Variants in SIVA1 observed in about 807,000 individuals in gnomAD.
SIVA1 encodes the protein apoptosis regulatory protein Siva.
SIVA1 carries 10 observed loss-of-function variants against 19.7 expected under a neutral mutation model. The ratio of observed to expected loss-of-function variants is 0.51; its 90% CI spans 0.31 to 0.86. SIVA1 has a LOEUF of 0.86. Among genes scored for constraint, SIVA1 ranks in the 40% least tolerant of loss-of-function variants. The pLI is 0.04. For missense variants in SIVA1, 241 were observed against 245.2 expected (o/e 0.98, Z 0.11); for synonymous variants, 130 against 106.1 (o/e 1.23, Z -1.39).
Position 104,753,282 on chromosome 14 carries a change from C to T in SIVA1, c.81C>T (p.Arg27=). ...KVRVSQRELS[R]GVCAERYSQE... ...GCGTGAGCCAGAGGGAGTTGAGCCG[C>T]GGCGTGTGCGCCGAGCGCTACTCGC... The change falls in exon 1 of 4, where the codon CGC becomes CGT. Residue 27 remains arginine, a synonymous_variant. Transcript: ENST00000329967. The T allele has an allele frequency of 1.2e-6, 2 of 1,601,174 alleles. No homozygotes were observed. Among genetic ancestry groups the T allele is most frequent in the Non-Finnish European group, 1.7e-6 (2 of 1,175,796 alleles).
In SIVA1 at chr14:104,753,292, G is replaced by C; in HGVS notation, c.91G>C (p.Ala31Pro). ...SQRELSRGVCAERYSQEVFEK... is the reference protein window; with the variant it reads ...SQRELSRGVCPERYSQEVFEK... ...GAGGGAGTTGAGCCGCGGCGTGTGCGCCGAGCGCTACTCGCAGGAGGTCTT... is the reference window on the plus strand; with the variant it reads ...GAGGGAGTTGAGCCGCGGCGTGTGCCCCGAGCGCTACTCGCAGGAGGTCTT... The change falls in exon 1 of 4, where the codon GCC becomes CCC. Residue 31 changes from alanine to proline, a missense_variant. By Grantham distance (27) the Ala-to-Pro change is conservative. Transcript: ENST00000329967. The C allele has an allele frequency of 6.2e-7, 1 of 1,600,724 alleles. No homozygotes were observed. The highest frequency in any genetic ancestry group is 8.5e-7 in the Non-Finnish European group (1 of 1,175,576).
intron 1 of SIVA1, 87 bp downstream of exon 1, chr14:104,753,406 G>C: frequency 1.1e-6 from 1 of 874,960 alleles, no homozygotes. Context: ...GCCTGAGCGG[G>C]GGGCTGGAGG....
chr14:104,756,366 A>G (rs1891889119), intron 2 of SIVA1: 1 of 581,626 alleles, frequency 1.7e-6, no homozygotes. Flanking sequence ...TGGTAAGGGA[A>G]AGAGCACTGA....
At chr14:104,757,255 G>A in intron 3 of SIVA1, 1 of 425,890 alleles carries the variant, frequency 2.3e-6, no homozygotes, top group Non-Finnish European at 4.7e-6. Context: ...CTAAGGTGGG[G>A]AGGGGCGTTC....
chr14:104,757,162 CTCTCAGGCAGGAAGTGGAGT>C, intron 3 of SIVA1: 1 of 340,242 alleles, frequency 2.9e-6, no homozygotes, highest in Non-Finnish European at 5.8e-6. Context: ...GTTGTAGACC[CTCTCAGGCAGGAAGTGGAGT>C]GTTTGTGTAG....
At chr14:104,758,370 G>C (rs1418304913) in intron 3 of SIVA1, 4 of 152,284 alleles carry the variant, frequency 2.6e-5, no homozygotes, top group African/African-American at 9.6e-5. Flanking sequence ...CTGCCTTGTT[G>C]ACTCCACGGC....
At chr14:104,756,510 T>G in intron 2 of SIVA1, 94 bp from the exon 3 acceptor site, 1 of 1,461,578 alleles carries the variant, frequency 6.8e-7, no homozygotes, top group East Asian at 2.3e-5. Context: ...GTCAGAGCCC[T>G]CTGCCCTCAG....
At chr14:104,757,060 G>T (rs1281739137) in intron 3 of SIVA1, 1 of 456,802 alleles carries the variant, frequency 2.2e-6, no homozygotes, top group African/African-American at 2.0e-5. Flanking sequence ...TCCTCCTCTG[G>T]TCTTTGAGCC....
chr14:104,753,288 G>A lies in SIVA1; in HGVS notation c.87G>A (p.Val29=). The change falls in exon 1 of 4, where the codon GTG becomes GTA. Residue 29 remains valine, a synonymous_variant. Coordinates refer to ENST00000329967, the MANE Select transcript of SIVA1 (RefSeq NM_006427.4). ...GCCAGAGGGAGTTGAGCCGCGGCGTGTGCGCCGAGCGCTACTCGCAGGAGG... is the reference window on the plus strand; with the variant it reads ...GCCAGAGGGAGTTGAGCCGCGGCGTATGCGCCGAGCGCTACTCGCAGGAGG... ...RVSQRELSRG[V]CAERYSQEVF... 6.2e-7 allele frequency: 1 copy of A among 1,601,372 alleles called. No homozygotes were observed. Among genetic ancestry groups the A allele is most frequent in the East Asian group, 2.3e-5 (1 of 43,568 alleles).
intron 1 of SIVA1, among the ~76,000 whole-genome samples, chr14:104,754,967 C>A (rs1891836676): frequency 6.6e-6 from 1 of 152,216 alleles, no homozygotes; most frequent in Non-Finnish European, 1.5e-5. Context: ...CTGGGTCTGG[C>A]CCTGGGCATC....
In SIVA1 at chr14:104,759,512, C is replaced by T. The variant is rs749722984; in HGVS notation, c.*27C>T. 2.3e-5 allele frequency: 37 copies of T among 1,600,978 alleles called. No individual in the cohort carries two copies. Among genetic ancestry groups the T allele is most frequent in the Middle Eastern group, 1.6e-4 (1 of 6,074 alleles). The stretch of plus-strand genomic sequence containing the variant: ...GCTGGCTCAAGCCGGCTGCCTTCAC[C>T]GGGAGCCACGCCGTGCATGGCAGCC... On this transcript the variant is annotated 3_prime_UTR_variant, in exon 4 of 4. Transcript: ENST00000329967. This position sits in a 1 kb window ranked among gnomAD's most constrained non-coding sequence, Gnocchi z 4.2.
In SIVA1 at chr14:104,759,206, T is replaced by C. The variant is rs997386531; in HGVS notation, c.471-222T>C. The C allele has an allele frequency of 4.5e-6, 2 of 448,380 alleles. No homozygotes were observed. The highest frequency in any genetic ancestry group is 4.0e-5 in the African/African-American group (2 of 49,758). 27.8% of individuals were successfully genotyped at this position (448,380 alleles called of 1,614,324 possible). On this transcript the variant is annotated intron_variant, in intron 3 of 3. Transcript: ENST00000329967. The surrounding 1 kb of genome is among the most constrained non-coding windows in gnomAD (Gnocchi z 4.2). Reference sequence around the variant, plus strand: ...ATGTCGTCTTCCTTCTCTGTGTCCTTCTCTTCACGTAGTCTTTTTAGGACG... The same window carrying C: ...ATGTCGTCTTCCTTCTCTGTGTCCTCCTCTTCACGTAGTCTTTTTAGGACG...
Position 104,759,390 on chromosome 14 carries a change from A to T in SIVA1, c.471-38A>T, listed in dbSNP as rs1476098842. On this transcript the variant is annotated intron_variant, in intron 3 of 3. Coordinates refer to ENST00000329967, the MANE Select transcript of SIVA1 (RefSeq NM_006427.4). The surrounding 1 kb of genome is among the most constrained non-coding windows in gnomAD (Gnocchi z 4.2). The stretch of plus-strand genomic sequence containing the variant: ...GGTGGTGGACACAATTCAGCCCCTG[A>T]CAGCAGCTTTTCTCTCCCCTCCCTG... The T allele has an allele frequency of 8.2e-6, 13 of 1,592,564 alleles. No individual in the cohort carries two copies. The highest frequency in any genetic ancestry group is 1.1e-5 in the Non-Finnish European group (13 of 1,164,198).
At chr14:104,753,603 C>T (rs1478938181) in intron 1 of SIVA1, 6 of 488,150 alleles carry the variant, frequency 1.2e-5, no homozygotes, top group East Asian at 3.9e-5. Flanking sequence ...CCCGGTTAGT[C>T]GCCGCCCTGC....
In SIVA1 at chr14:104,753,249, C is replaced by G. The variant is rs776707721; in HGVS notation, c.48C>G (p.Leu16=). 2 of 1,597,192 alleles carry G rather than the reference C, an allele frequency of 1.3e-6. No homozygotes were observed. The highest frequency in any genetic ancestry group is 1.1e-5 in the South Asian group (1 of 88,694). Residue 16 remains leucine (L), a synonymous_variant, in exon 1 of 4, where the codon CTC becomes CTG. Transcript: ENST00000329967. ...TCGCGGACGTGGCCCCGCTACAGCT[C>G]AAGGTCCGCGTGAGCCAGAGGGAGT... ...CPFADVAPLQ[L]KVRVSQRELS...
intron 3 of SIVA1, chr14:104,758,779 G>T (rs901356685): frequency 6.6e-6 from 1 of 152,264 alleles, no homozygotes; most frequent in East Asian, 1.9e-4. Context: ...CACCATACGC[G>T]TGAGCCACCA....
intron 1 of SIVA1, chr14:104,753,688 G>A: frequency 4.7e-6 from 2 of 425,028 alleles, no homozygotes; most frequent in South Asian, 1.8e-5. Context: ...GGGGAGCGGG[G>A]CGTCCTGCAT....
At chr14:104,754,409 C>T (rs1041924289) in intron 1 of SIVA1, among the ~76,000 whole-genome samples, 2 of 152,162 alleles carry the variant, frequency 1.3e-5, no homozygotes, top group Non-Finnish European at 2.9e-5. Flanking sequence ...GGGAATGATG[C>T]CGTGGGAACT....
At chr14:104,754,061 C>A (rs1447314709) in intron 1 of SIVA1, among the ~76,000 whole-genome samples, 2 of 152,122 alleles carry the variant, frequency 1.3e-5, no homozygotes, top group Non-Finnish European at 2.9e-5. Flanking sequence ...GCTGCAGTGT[C>A]CAGTTCTGGG....
Sources: gnomAD v4.1 joint callset for allele counts (sites outside exome capture counted in the v4.1 genomes callset) on GRCh38, gnomAD v4.1.1 for gene constraint, Gnocchi (gnomAD v3.1) non-coding constraint, MANE v1.5 for transcripts, NCBI Gene and HGNC (gene_info 2026-07-23, HGNC 2026-07-21) for gene names.